Variants in DPP6 observed in about 807,000 individuals in gnomAD.
DPP6 encodes the protein dipeptidyl peptidase like 6.
DPP6 carries 69 observed loss-of-function variants against 122.6 expected under a neutral mutation model. The ratio of observed to expected loss-of-function variants is 0.56; its 90% CI spans 0.46 to 0.69. The LOEUF (loss-of-function observed/expected upper bound fraction) is 0.69, where lower values mean the gene tolerates loss of function less well. Among genes scored for constraint, DPP6 ranks in the 30% least tolerant of loss-of-function variants. The pLI, the probability that DPP6 is intolerant of heterozygous loss-of-function variation, is 0.00. For synonymous variants in DPP6, 418 were observed against 433.1 expected (o/e 0.97, Z 0.43); for missense variants, 928 against 1,116.9 (o/e 0.83, Z 2.41).
chr7:153,964,968 CATT>C (rs1795602981), intron 1 of DPP6, among the ~76,000 whole-genome samples: 4 of 103,440 alleles, frequency 3.9e-5, no homozygotes, highest in Admixed American at 1.1e-4. Context: ...TTCTTTCTTT[CATT>C]TCTTTTCCCT....
chr7:153,931,998 C>T (rs2129013393), intron 1 of DPP6, among the ~76,000 whole-genome samples: 1 of 152,306 alleles, frequency 6.6e-6, no homozygotes, highest in Non-Finnish European at 1.5e-5. Context: ...GTCTTCTGAT[C>T]AGAGCTGCAC....
intron 6 of DPP6, among the ~76,000 whole-genome samples, chr7:154,660,244 ATGGTGAAT>A (rs1837541274): frequency 2.3e-5 from 1 of 42,612 alleles, no homozygotes; most frequent in Non-Finnish European, 9.0e-5. Flanking sequence ...TCATATAGTC[ATGGTGAAT>A]CACGATGGCG....
chr7:154,816,188 TC>T (rs963389271), intron 16 of DPP6, among the ~76,000 whole-genome samples: 5 of 152,084 alleles, frequency 3.3e-5, no homozygotes, highest in East Asian at 1.9e-4. Context: ...AGTATGGCAG[TC>T]CCCCCTTATC....
chr7:154,119,568 G>A (rs947241663), intron 1 of DPP6, among the ~76,000 whole-genome samples: 2 of 149,812 alleles, frequency 1.3e-5, no homozygotes, highest in African/African-American at 4.9e-5. Flanking sequence ...CTGTTGACTC[G>A]CCACCTTGAA....
the DPP6 span, among the ~76,000 whole-genome samples, chr7:153,868,224 T>C: frequency 2.6e-5 from 4 of 152,284 alleles, no homozygotes; most frequent in East Asian, 7.7e-4. Flanking sequence ...TCAGAAGGAA[T>C]GGTACCAGCT....
intron 1 of DPP6, among the ~76,000 whole-genome samples, chr7:154,361,058 G>C (rs1436380830): frequency 6.6e-6 from 1 of 152,074 alleles, no homozygotes; most frequent in East Asian, 1.9e-4. Context: ...GAAGATTTCA[G>C]CATTGAGATT....
chr7:154,643,467 C>CTTTTT (rs61520162), intron 6 of DPP6, among the ~76,000 whole-genome samples: 18 of 117,546 alleles, frequency 1.5e-4, no homozygotes, highest in African/African-American at 5.4e-4. Context: ...TGAGTAATTT[C>CTTTTT]TTTTTTTTTT....
chr7:153,945,610 T>C (rs934661849), intron 1 of DPP6, among the ~76,000 whole-genome samples: 22 of 152,134 alleles, frequency 1.4e-4, no homozygotes, highest in African/African-American at 5.3e-4. Flanking sequence ...CACAGAAGGG[T>C]GCTCTTCCTA....
At chr7:153,764,969 C>T in the DPP6 span, among the ~76,000 whole-genome samples, 3 of 152,236 alleles carry the variant, frequency 2.0e-5, no homozygotes, top group Admixed American at 1.3e-4. Context: ...TCTGTGACGC[C>T]GAATGGCTCT....
intron 1 of DPP6, among the ~76,000 whole-genome samples, chr7:154,332,468 G>A (rs969772797): frequency 2.6e-5 from 4 of 152,224 alleles, no homozygotes; most frequent in African/African-American, 7.2e-5. Flanking sequence ...CTGAGATCCC[G>A]CGTCTCTCAC....
intron 3 of DPP6, among the ~76,000 whole-genome samples, chr7:154,521,070 C>T (rs1419487927): frequency 6.6e-6 from 1 of 152,068 alleles, no homozygotes; most frequent in Non-Finnish European, 1.5e-5. Flanking sequence ...ATCATAATCC[C>T]TTTAGAGATC....
chr7:154,196,489 C>CA (rs1440566339), intron 1 of DPP6, among the ~76,000 whole-genome samples: 1 of 151,948 alleles, frequency 6.6e-6, no homozygotes, highest in Admixed American at 6.6e-5. Flanking sequence ...GACTCTGTCT[C>CA]AAAAAACAAA....
At chr7:154,362,688 G>T (rs1280938951) in intron 1 of DPP6, among the ~76,000 whole-genome samples, 1 of 151,290 alleles carries the variant, frequency 6.6e-6, no homozygotes, top group Non-Finnish European at 1.5e-5. Flanking sequence ...GCCTCCCAAA[G>T]TGCTGAGATT....
chr7:154,785,036 A>G (rs781097109), intron 10 of DPP6, among the ~76,000 whole-genome samples: 68 of 152,192 alleles, frequency 4.5e-4, no homozygotes, highest in Non-Finnish European at 7.8e-4. Flanking sequence ...GGGGAAGGAC[A>G]TCTCCACCGT....
rs545638893 is a variant in DPP6, at chr7:154,452,501, T to C, written c.358+6173T>C. ...CTACCCAACATTGCTTCCATTTTGG[T>C]AGATTTAGTTAGAAATTGTAATATG... On this transcript the variant is annotated intron_variant, in intron 2 of 25. Coordinates refer to ENST00000377770, the MANE Select transcript of DPP6 (RefSeq NM_130797.4). 2.0e-5 allele frequency among the ~76,000 whole-genome samples: 3 copies of C among 152,352 alleles called. No homozygotes were observed. The South Asian group carries it at 6.2e-4, about 32-fold the overall frequency.
chr7:154,347,946 T>C lies in DPP6; in HGVS notation c.244-98268T>C, dbSNP rs74860234. 0.011 allele frequency among the ~76,000 whole-genome samples: 1,626 copies of C among 152,330 alleles called. 54 individuals are homozygous for C. In the East Asian group the frequency reaches 0.11, roughly 11 times the overall value. On this transcript the variant is annotated intron_variant, in intron 1 of 25. Coordinates refer to ENST00000377770, the MANE Select transcript of DPP6 (RefSeq NM_130797.4). ...GCCCCTTGAGGCAAGTGGACTTTGA[T>C]AGACAAGAGGTGGCTTTGAAAACGT... is the stretch of plus-strand genomic sequence containing the variant.
chr7:154,289,633 G>C (rs1805075434), intron 1 of DPP6, among the ~76,000 whole-genome samples: 1 of 152,202 alleles, frequency 6.6e-6, no homozygotes, highest in African/African-American at 2.4e-5. Context: ...TGGAAGGTGA[G>C]GGTGATTCTG....
At chr7:154,695,197 C>T (rs767646637) in intron 7 of DPP6, among the ~76,000 whole-genome samples, 14 of 152,090 alleles carry the variant, frequency 9.2e-5, no homozygotes, top group Non-Finnish European at 1.8e-4. Context: ...GGGTGCATGA[C>T]GCCCAAGACT....
intron 1 of DPP6, among the ~76,000 whole-genome samples, chr7:154,182,549 A>G (rs1381761426): frequency 6.6e-6 from 1 of 152,122 alleles, no homozygotes; most frequent in Non-Finnish European, 1.5e-5. Context: ...GGATAATGTA[A>G]CATGTGCCCG....
Sources: allele counts gnomAD v4.1 joint callset (sites outside exome capture counted in the v4.1 genomes callset), GRCh38; gene constraint gnomAD v4.1.1; transcripts MANE v1.5; gene names NCBI Gene and HGNC (gene_info 2026-07-23, HGNC 2026-07-21).